The following LRP1B variants were observed in gnomAD, a reference collection of about 807,000 sequenced individuals.
The protein encoded by LRP1B is LDL receptor related protein 1B.
A neutral mutation model predicts 556.6 loss-of-function variants in LRP1B; 217 were observed. The observed-to-expected ratio is 0.39, with a 90% CI of 0.35 to 0.44. LRP1B has a LOEUF of 0.44. Among genes scored for constraint, LRP1B ranks in the 20% least tolerant of loss-of-function variants. The pLI, the probability that LRP1B is intolerant of heterozygous loss-of-function variation, is 1.00. For synonymous variants in LRP1B, 2,047 were observed against 1,865.8 expected, an observed-to-expected ratio of 1.10 and a Z score of -2.50; for missense variants, 5,053 against 5,620.8, an observed-to-expected ratio of 0.90 and a Z score of 3.23.
rs564353989 is a variant in LRP1B, at chr2:141,090,088, G to A, written c.1014-27815C>T. On this transcript the variant is annotated intron_variant, in intron 7 of 90. Transcript: ENST00000389484. ...GAAAGGCTCTTGGGACCTTCTTCAG[G>A]GCCAGCAGGACATACTTGATTTGTA... Among the ~76,000 whole-genome samples, 6 of 152,238 alleles carry A rather than the reference G, an allele frequency of 3.9e-5. No homozygotes were observed. The South Asian group carries it at 1.0e-3, about 26-fold the overall frequency.
chr2:140,513,123 G>T (rs895018540), intron 51 of LRP1B, among the ~76,000 whole-genome samples: 1 of 152,024 alleles, frequency 6.6e-6, no homozygotes, highest in Non-Finnish European at 1.5e-5. Context: ...GTGTACATTG[G>T]TTATGTTGGA....
intron 1 of LRP1B, among the ~76,000 whole-genome samples, chr2:141,935,238 A>G (rs1210679563): frequency 1.3e-5 from 2 of 152,338 alleles, no homozygotes; most frequent in South Asian, 4.1e-4. Context: ...TACCCTCACT[A>G]AAGCAAAGTG....
At chr2:141,866,134 A>G (rs1211509185) in intron 1 of LRP1B, among the ~76,000 whole-genome samples, 1 of 152,216 alleles carries the variant, frequency 6.6e-6, no homozygotes, top group African/African-American at 2.4e-5. Context: ...ATCTACAGAG[A>G]CAGATCCATC....
At chr2:142,009,385 T>C (rs1702886746) in intron 1 of LRP1B, among the ~76,000 whole-genome samples, 1 of 152,154 alleles carries the variant, frequency 6.6e-6, no homozygotes, top group Admixed American at 6.5e-5. Context: ...TGTTGAAGTT[T>C]ACTGATAAAG....
chr2:141,548,327 C>G lies in LRP1B; in HGVS notation c.206-67794G>C, dbSNP rs141561554. 4.7e-3 allele frequency among the ~76,000 whole-genome samples: 710 copies of G among 152,258 alleles called. 3 individuals carry two copies. The highest frequency in any genetic ancestry group is 0.016 in the African/African-American group (677 of 41,554). ...CATCCTTATCATTTTGTCACTGTAA[C>G]TGGAGGATGACTGTGAACTAAATAG... On this transcript the variant is annotated intron_variant, in intron 2 of 90. Transcript: ENST00000389484.
chr2:140,545,936 G>C (rs1680318788), intron 43 of LRP1B, among the ~76,000 whole-genome samples: 2 of 151,566 alleles, frequency 1.3e-5, no homozygotes, highest in Admixed American at 1.3e-4. Context: ...CGACTTCATT[G>C]AGCAGTGTTT....
At chr2:140,816,328 G>C (rs1963552) in intron 31 of LRP1B, among the ~76,000 whole-genome samples, 109,471 of 151,538 alleles carry the variant, frequency 0.72, 42,196 homozygotes, top group Non-Finnish European at 0.86. Flanking sequence ...ATGTTGGCCA[G>C]GATGGTCTCG....
At chr2:142,107,634 T>C (rs1706797748) in intron 1 of LRP1B, among the ~76,000 whole-genome samples, 1 of 151,820 alleles carries the variant, frequency 6.6e-6, no homozygotes, top group Non-Finnish European at 1.5e-5. Flanking sequence ...TTTTGTTTTG[T>C]TTTGTTGTTT....
At chr2:142,015,159 T>A (rs926144714) in intron 1 of LRP1B, among the ~76,000 whole-genome samples, 4 of 152,122 alleles carry the variant, frequency 2.6e-5, no homozygotes, top group African/African-American at 9.7e-5. Flanking sequence ...TCCAAAGATA[T>A]ACGAACTCAA....
At chr2:140,881,253 A>AGTGTGTGTGTGT (rs3063611) in intron 25 of LRP1B, among the ~76,000 whole-genome samples, 1 of 149,032 alleles carries the variant, frequency 6.7e-6, no homozygotes, top group Non-Finnish European at 1.5e-5. Context: ...CTTTGCTGTA[A>AGTGTGTGTGTGT]GTGTGTGTGT....
At chr2:140,651,510 A>G (rs1480004286) in intron 41 of LRP1B, among the ~76,000 whole-genome samples, 1 of 145,810 alleles carries the variant, frequency 6.9e-6, no homozygotes, top group African/African-American at 2.5e-5. Flanking sequence ...AATTAAAAAA[A>G]AACACATACA....
intron 89 of LRP1B, among the ~76,000 whole-genome samples, chr2:140,235,754 C>G (rs1201883596): frequency 6.6e-6 from 1 of 150,876 alleles, no homozygotes; most frequent in African/African-American, 2.4e-5. Context: ...AAGCTATTCT[C>G]TTTAAGTGTA....
intron 2 of LRP1B, among the ~76,000 whole-genome samples, chr2:141,790,195 T>C (rs1251657717): frequency 6.6e-6 from 1 of 151,914 alleles, no homozygotes; most frequent in Non-Finnish European, 1.5e-5. Context: ...GTATGTTTTA[T>C]CATGAAAAAT....
intron 32 of LRP1B, among the ~76,000 whole-genome samples, chr2:140,800,435 T>C (rs16844768): frequency 0.017 from 2,514 of 152,274 alleles, 68 homozygotes; most frequent in African/African-American, 0.057. Context: ...TTATTAACTA[T>C]GTAACTGAGC....
intron 37 of LRP1B, among the ~76,000 whole-genome samples, chr2:140,703,931 G>A (rs934748757): frequency 6.6e-6 from 1 of 152,090 alleles, no homozygotes; most frequent in Non-Finnish European, 1.5e-5. Flanking sequence ...TTTATGTTAC[G>A]TTTTTGCAAT....
At chr2:141,303,018 C>T (rs1686453912) in intron 3 of LRP1B, among the ~76,000 whole-genome samples, 1 of 151,992 alleles carries the variant, frequency 6.6e-6, no homozygotes, top group Admixed American at 6.6e-5. Flanking sequence ...GAAAATGCCA[C>T]CAACAGATGT....
intron 32 of LRP1B, among the ~76,000 whole-genome samples, chr2:140,781,968 T>C (rs893765880): frequency 6.6e-6 from 1 of 152,256 alleles, no homozygotes; most frequent in African/African-American, 2.4e-5. Flanking sequence ...TAATTCTTTA[T>C]ATTCTTCACA....
At chr2:142,067,932 G>A (rs751595920) in intron 1 of LRP1B, among the ~76,000 whole-genome samples, 23 of 151,538 alleles carry the variant, frequency 1.5e-4, no homozygotes, top group Admixed American at 2.6e-4. Flanking sequence ...CACTTTGATA[G>A]GTATTAGCAT....
chr2:141,274,108 T>C (rs1306811767), intron 3 of LRP1B, among the ~76,000 whole-genome samples: 1 of 152,196 alleles, frequency 6.6e-6, no homozygotes, highest in Non-Finnish European at 1.5e-5. Flanking sequence ...CCTACACTCT[T>C]GATGGACATA....
Sources: allele counts gnomAD v4.1 joint callset (sites outside exome capture counted in the v4.1 genomes callset), GRCh38; gene constraint gnomAD v4.1.1; transcripts MANE v1.5; gene names NCBI Gene and HGNC (gene_info 2026-07-23, HGNC 2026-07-21).